CHST8: variants seen among roughly 807,000 people sequenced by gnomAD.
CHST8 encodes the protein carbohydrate sulfotransferase 8.
In CHST8, 10 loss-of-function variants were observed where a neutral mutation model predicts 15.0. The observed-to-expected ratio is 0.67, with a 90% CI of 0.41 to 1.13. CHST8 has a LOEUF of 1.13. Among genes scored for constraint, CHST8 ranks in the 50% most tolerant of loss-of-function variants. CHST8 has a pLI of 0.00. For missense variants in CHST8, 634 were observed against 608.2 expected (o/e 1.04, Z -0.45); for synonymous variants, 259 against 256.6 (o/e 1.01, Z -0.09).
At chr19:33,734,024 G>T (rs1974039430) in intron 3 of CHST8, among the ~76,000 whole-genome samples, 2 of 152,252 alleles carry the variant, frequency 1.3e-5, no homozygotes, top group African/African-American at 2.4e-5. Context: ...GAAAAAAGAG[G>T]CTGAGACCTA....
At chr19:33,733,413 T>G (rs1974028903) in intron 3 of CHST8, among the ~76,000 whole-genome samples, 1 of 151,964 alleles carries the variant, frequency 6.6e-6, no homozygotes, top group South Asian at 2.1e-4. Flanking sequence ...TTTTGTACTT[T>G]TAGTAGAGAT....
intron 3 of CHST8, among the ~76,000 whole-genome samples, chr19:33,696,006 G>A (rs1973211301): frequency 6.6e-6 from 1 of 151,176 alleles, no homozygotes; most frequent in Non-Finnish European, 1.5e-5. Context: ...GTGTATTTTT[G>A]GTAGAGACAG....
intron 1 of CHST8, among the ~76,000 whole-genome samples, chr19:33,661,686 A>T (rs1013355658): frequency 2.0e-5 from 3 of 152,166 alleles, no homozygotes; most frequent in Non-Finnish European, 4.4e-5. Context: ...GAATGGGCAG[A>T]GGAGCTGCCT....
At chr19:33,627,756 G>T (rs1972074419) in intron 1 of CHST8, among the ~76,000 whole-genome samples, 1 of 152,160 alleles carries the variant, frequency 6.6e-6, no homozygotes, top group African/African-American at 2.4e-5. Flanking sequence ...CAGGCCTGTT[G>T]TCACTGTCCC....
chr19:33,700,624 T>G (rs1973314029), intron 3 of CHST8, among the ~76,000 whole-genome samples: 2 of 152,194 alleles, frequency 1.3e-5, no homozygotes, highest in Admixed American at 6.5e-5. Context: ...CTTCCAAGCG[T>G]GGCTCTGGAA....
intron 1 of CHST8, among the ~76,000 whole-genome samples, chr19:33,628,568 G>A (rs1972086061): frequency 6.6e-6 from 1 of 152,226 alleles, no homozygotes; most frequent in Admixed American, 6.5e-5. Context: ...AGTGTGTGAT[G>A]TAGGCAGTGC....
rs1407363662 is a variant in CHST8, at chr19:33,657,160, C to CAA, written c.-163-10606_-163-10605insAA. On this transcript the variant is annotated intron_variant, in intron 1 of 4. Coordinates refer to ENST00000650847, the MANE Select transcript of CHST8 (RefSeq NM_001127895.2). ...ACACACACACACACACACACACAAA[C>CAA]ACACATATACTTATACACACATACA... Among the ~76,000 whole-genome samples the CAA allele has an allele frequency of 4.7e-5, 7 of 148,764 alleles. No homozygotes were observed. In the East Asian group the frequency reaches 1.4e-3, roughly 29 times the overall value.
chr19:33,762,602 C>A (rs1974756971), intron 3 of CHST8, among the ~76,000 whole-genome samples: 1 of 152,256 alleles, frequency 6.6e-6, no homozygotes, highest in Non-Finnish European at 1.5e-5. Flanking sequence ...GGGGCAGGAG[C>A]TGCGCTGCGG....
intron 2 of CHST8, among the ~76,000 whole-genome samples, chr19:33,672,946 C>T (rs184859777): frequency 4.9e-4 from 75 of 152,302 alleles, no homozygotes; most frequent in Non-Finnish European, 7.9e-4. Flanking sequence ...TGAGGATGGA[C>T]CCAGGCAGGA....
At chr19:33,731,687 G>A (rs1184381659) in intron 3 of CHST8, among the ~76,000 whole-genome samples, 5 of 152,194 alleles carry the variant, frequency 3.3e-5, no homozygotes, top group Non-Finnish European at 7.3e-5. Context: ...ATACAAGATG[G>A]AGTCACTCTA....
At chr19:33,691,679 A>G (rs1973101348) in intron 3 of CHST8, among the ~76,000 whole-genome samples, 1 of 152,230 alleles carries the variant, frequency 6.6e-6, no homozygotes, top group Non-Finnish European at 1.5e-5. Flanking sequence ...TATCTGTTGG[A>G]AACCAGTGCT....
intron 1 of CHST8, among the ~76,000 whole-genome samples, chr19:33,655,997 A>G (rs1600240696): frequency 6.6e-6 from 1 of 152,308 alleles, no homozygotes; most frequent in African/African-American, 2.4e-5. Context: ...TTACGAATAA[A>G]ACATTTAAAC....
At chr19:33,701,485 T>G (rs1033083415) in intron 3 of CHST8, among the ~76,000 whole-genome samples, 1 of 152,148 alleles carries the variant, frequency 6.6e-6, no homozygotes, top group Non-Finnish European at 1.5e-5. Flanking sequence ...GTCCCAGAAT[T>G]GTTATGCTAA....
At chr19:33,623,444 G>A (rs1236213516) in intron 1 of CHST8, among the ~76,000 whole-genome samples, 1 of 152,228 alleles carries the variant, frequency 6.6e-6, no homozygotes, top group African/African-American at 2.4e-5. Flanking sequence ...ACGTGGGAGA[G>A]GCGTTGGGTG....
At chr19:33,663,126 C>T (rs1972607768) in intron 1 of CHST8, among the ~76,000 whole-genome samples, 1 of 152,132 alleles carries the variant, frequency 6.6e-6, no homozygotes, top group Non-Finnish European at 1.5e-5. Context: ...CGGAGCCTGC[C>T]GTCCATCCAC....
chr19:33,712,577 C>A (rs1201132383), intron 3 of CHST8, among the ~76,000 whole-genome samples: 3 of 152,182 alleles, frequency 2.0e-5, no homozygotes, highest in Non-Finnish European at 4.4e-5. Context: ...TCCAAGCGAA[C>A]AGTGGGGAGA....
chr19:33,752,914 T>C (rs1233771417), intron 3 of CHST8, among the ~76,000 whole-genome samples: 1 of 152,262 alleles, frequency 6.6e-6, no homozygotes, highest in African/African-American at 2.4e-5. Flanking sequence ...CCAGACTTTA[T>C]AAAACAAACA....
chr19:33,703,956 T>C, intron 3 of CHST8, among the ~76,000 whole-genome samples: 1 of 152,166 alleles, frequency 6.6e-6, no homozygotes, highest in Non-Finnish European at 1.5e-5. Context: ...CGCAGGCTCC[T>C]AGTGGGGGGT....
chr19:33,674,308 T>A (rs1013940476), intron 2 of CHST8, among the ~76,000 whole-genome samples: 6 of 152,176 alleles, frequency 3.9e-5, no homozygotes, highest in Non-Finnish European at 7.4e-5. Context: ...GGCCTGCTAC[T>A]TCCCCCAGTC....
Sources: allele counts gnomAD v4.1 joint callset (sites outside exome capture counted in the v4.1 genomes callset), GRCh38; gene constraint gnomAD v4.1.1; transcripts MANE v1.5; gene names NCBI Gene and HGNC (gene_info 2026-07-23, HGNC 2026-07-21).